CASZ1: variants seen among roughly 807,000 people sequenced by gnomAD.
CASZ1 encodes the protein zinc finger protein castor homolog 1.
Under a neutral mutation model 135.2 loss-of-function variants are expected in CASZ1, and 28 were observed. The observed-to-expected ratio is 0.21, with a 90% CI of 0.15 to 0.28. The LOEUF (loss-of-function observed/expected upper bound fraction) is 0.28. Ranked by LOEUF, CASZ1 falls within the 10% of genes least tolerant of loss-of-function variation. CASZ1 has a pLI of 1.00. For synonymous variants in CASZ1, 1,068 were observed against 1,073.4 expected (o/e 0.99, Z 0.10); for missense variants, 2,161 against 2,453.3 (o/e 0.88, Z 2.52).
chr1:10,675,639 T>G (rs1434741308), intron 4 of CASZ1, among the ~76,000 whole-genome samples: 1 of 152,094 alleles, frequency 6.6e-6, no homozygotes, highest in African/African-American at 2.4e-5. Flanking sequence ...TAATGATTCC[T>G]GGGGCTGGAC....
chr1:10,775,557 T>G (rs995172334), intron 1 of CASZ1, among the ~76,000 whole-genome samples: 5 of 152,128 alleles, frequency 3.3e-5, no homozygotes, highest in Admixed American at 2.0e-4. Context: ...GGCCTAGGTC[T>G]TTTTCCCTGG....
At chr1:10,787,947 T>C (rs1307337395) in intron 1 of CASZ1, among the ~76,000 whole-genome samples, 1 of 150,966 alleles carries the variant, frequency 6.6e-6, no homozygotes, top group Non-Finnish European at 1.5e-5. Flanking sequence ...TGAAAAAATG[T>C]TTTTTTTTAA....
At position 10,699,238 on chromosome 1, in the gene CASZ1, G is replaced by A. The variant is rs1639009259; in HGVS notation, c.-23-5326C>T. ...TCCTCCGTTCTCCTTCCCCTCTCCT[G>A]GGAAGTCAACGGCCCTGAACTGGCC... On this transcript the variant is annotated intron_variant, in intron 3 of 20. Coordinates refer to ENST00000377022, the MANE Select transcript of CASZ1 (RefSeq NM_001079843.3). The surrounding 1 kb of genome is among the most constrained non-coding windows in gnomAD (Gnocchi z 4.6). Among the ~76,000 whole-genome samples the A allele has an allele frequency of 6.6e-6, 1 of 152,206 alleles. No individual in the cohort carries two copies. Among genetic ancestry groups the A allele is most frequent in the Admixed American group, 6.5e-5 (1 of 15,290 alleles).
intron 4 of CASZ1, among the ~76,000 whole-genome samples, chr1:10,687,386 G>C (rs1270192293): frequency 6.6e-6 from 1 of 152,224 alleles, no homozygotes; most frequent in Non-Finnish European, 1.5e-5. Context: ...GCAGGTGAGT[G>C]ATTACAGCAC....
In CASZ1 at chr1:10,676,801, G is replaced by T. The variant is rs1638240987; in HGVS notation, c.17-11230C>A. ...GCCTCTGTGAAGCCTGCATGGAGAAGAGATGCTGGGCTGGGCCAGAGACTC... is the reference window on the plus strand; with the variant it reads ...GCCTCTGTGAAGCCTGCATGGAGAATAGATGCTGGGCTGGGCCAGAGACTC... On this transcript the variant is annotated intron_variant, in intron 4 of 20. Transcript: ENST00000377022. The surrounding 1 kb of genome is among the most constrained non-coding windows in gnomAD (Gnocchi z 4.5). Among the ~76,000 whole-genome samples the T allele has an allele frequency of 6.6e-6, 1 of 152,242 alleles. No homozygotes were observed. The highest frequency in any genetic ancestry group is 6.5e-5 in the Admixed American group (1 of 15,292).
At position 10,671,118 on chromosome 1, in the gene CASZ1, C is replaced by T. The variant is rs568908179; in HGVS notation, c.17-5547G>A. On this transcript the variant is annotated intron_variant, in intron 4 of 20. Transcript: ENST00000377022. The stretch of plus-strand genomic sequence containing the variant: ...ATTTTTTTAGTCCAGTTAAAAGGTT[C>T]GCTATCCAGACGCGTCTAAGTGGCC... Among the ~76,000 whole-genome samples the T allele has an allele frequency of 7.2e-5, 11 of 152,332 alleles. No homozygotes were observed. The South Asian group carries it at 1.4e-3, about 20-fold the overall frequency.
rs868602756 is a variant in CASZ1 at position 10,657,020 on chromosome 1, C to T, written c.1410-284G>A. Among the ~76,000 whole-genome samples the T allele has an allele frequency of 6.6e-6, 1 of 152,150 alleles. No homozygotes were observed. The highest frequency in any genetic ancestry group is 1.5e-5 in the Non-Finnish European group (1 of 68,010). ...GCCCTGGGATGGAAGGGAAGGCAGG[C>T]GCCCCCTCGGCTGCCCACCTGTCTT... On this transcript the variant is annotated intron_variant, in intron 7 of 20. Coordinates refer to ENST00000377022, the MANE Select transcript of CASZ1 (RefSeq NM_001079843.3). This position sits in a 1 kb window ranked among gnomAD's most constrained non-coding sequence, Gnocchi z 5.7.
intron 4 of CASZ1, among the ~76,000 whole-genome samples, chr1:10,692,952 A>G (rs928675324): frequency 2.0e-5 from 3 of 152,180 alleles, no homozygotes; most frequent in South Asian, 2.1e-4. Context: ...GCTTTTGTCA[A>G]CCTAGCACGT....
intron 4 of CASZ1, among the ~76,000 whole-genome samples, chr1:10,672,053 C>T (rs1643417974): frequency 6.6e-6 from 1 of 152,204 alleles, no homozygotes; most frequent in South Asian, 2.1e-4. Flanking sequence ...ATGGGCAAGG[C>T]AGCCCGAGGT....
At position 10,648,010 on chromosome 1, in the gene CASZ1, C is replaced by G; in HGVS notation, c.3288G>C (p.Thr1096=). ...SPPVPPVTTA[T]VSSLEGPAPS... ...GAGCGGGCCCCTCCAGAGAGGACAC[C>G]GTGGCCGTGGTGACAGGAGGGACCG... The change falls in exon 16 of 21, where the codon ACG becomes ACC. Residue 1096 remains threonine (T), a synonymous_variant. Transcript: ENST00000377022. The G allele has an allele frequency of 6.2e-7, 1 of 1,600,736 alleles. No homozygotes were observed. The highest frequency in any genetic ancestry group is 8.5e-7 in the Non-Finnish European group (1 of 1,172,944).
At chr1:10,734,405 C>G (rs999709024) in intron 2 of CASZ1, among the ~76,000 whole-genome samples, 4 of 151,454 alleles carry the variant, frequency 2.6e-5, no homozygotes, top group African/African-American at 9.7e-5. Flanking sequence ...ATGAAAAACT[C>G]ATAATAAACA....
intron 1 of CASZ1, among the ~76,000 whole-genome samples, chr1:10,792,019 TCAAA>T (rs1289353616): frequency 2.0e-5 from 3 of 151,778 alleles, no homozygotes; most frequent in African/African-American, 2.4e-5. Flanking sequence ...GCAATCCAAA[TCAAA>T]CAAATTTTAA....
Position 10,653,989 on chromosome 1 carries a change from G to T in CASZ1, c.2068C>A (p.Arg690Ser), listed in dbSNP as rs765432701. 6.2e-7 allele frequency: 1 copy of T among 1,614,100 alleles called. No individual in the cohort carries two copies. The highest frequency in any genetic ancestry group is 8.5e-7 in the Non-Finnish European group (1 of 1,179,972). Residue 690 changes from arginine (R) to serine (S), a missense_variant, in exon 11 of 21, where the codon CGC becomes AGC. Around this residue, in one of 7 missense-constraint regions of CASZ1, gnomAD observed 248 missense variants for 410.8 expected, o/e 0.60. Transcript: ENST00000377022. The part of the protein sequence containing the change: ...TSTSQMTSHK[R>S]KHERRHIRSS... ...CGGATGTGCCGGCGCTCATGCTTGC[G>T]CTTGTGAGAGGTCATCTGGCTGGTG...
At position 10,665,651 on chromosome 1, in the gene CASZ1, C is replaced by T. The variant is rs1174348120; in HGVS notation, c.17-80G>A. ...CCACCCTCCCGAACAGCCCTGCATC[C>T]CCCAAGCTGCAGGCCTCCCCCATTG... On this transcript the variant is annotated intron_variant, in intron 4 of 20. Coordinates refer to ENST00000377022, the MANE Select transcript of CASZ1 (RefSeq NM_001079843.3). The T allele has an allele frequency of 5.7e-6, 8 of 1,413,658 alleles. No homozygotes were observed. The East Asian group carries it at 1.8e-4, about 31-fold the overall frequency. The allele number at this position is 1,413,658 out of a possible 1,614,324, so 87.6% of individuals were successfully genotyped here.
chr1:10,756,196 CT>C lies in CASZ1; in HGVS notation c.-77+4504del, dbSNP rs902776566. On this transcript the variant is annotated intron_variant, in intron 2 of 20. Coordinates refer to ENST00000377022, the MANE Select transcript of CASZ1 (RefSeq NM_001079843.3). This position sits in a 1 kb window ranked among gnomAD's most constrained non-coding sequence, Gnocchi z 5.9. The stretch of plus-strand genomic sequence containing the variant: ...CGCAAGCCGCTGCCAGCCTGCACTT[CT>C]GCTCTCTCCCGTTGCTGCCTCTGGA... 3.3e-5 allele frequency among the ~76,000 whole-genome samples: 5 copies of C among 152,182 alleles called. No individual in the cohort carries two copies. The highest frequency in any genetic ancestry group is 9.6e-5 in the African/African-American group (4 of 41,456).
At chr1:10,675,878 G>A (rs1442594243) in intron 4 of CASZ1, among the ~76,000 whole-genome samples, 1 of 142,052 alleles carries the variant, frequency 7.0e-6, no homozygotes, top group African/African-American at 2.9e-5. Flanking sequence ...CTTTCCCCAA[G>A]GTTTGCAGGG....
chr1:10,660,129 G>A lies in CASZ1; in HGVS notation c.913C>T (p.Leu305=). ...TCGTACTTGGAGGCCCGGGCTACCAGGTTCTGCATCTGGACACTGCTGTGC... is the reference window on the plus strand; with the variant it reads ...TCGTACTTGGAGGCCCGGGCTACCAAGTTCTGCATCTGGACACTGCTGTGC... ...PSHSSVQMQN[L]VARASKYDFF... is the part of the protein sequence containing the mutation. Residue 305 remains leucine, a synonymous_variant, in exon 6 of 21, where the codon CTG becomes TTG. Transcript: ENST00000377022. The A allele has an allele frequency of 6.2e-7, 1 of 1,614,156 alleles. No homozygotes were observed. Among genetic ancestry groups the A allele is most frequent in the Non-Finnish European group, 8.5e-7 (1 of 1,180,014 alleles).
At chr1:10,733,618 G>C (rs186964786) in intron 2 of CASZ1, among the ~76,000 whole-genome samples, 1 of 152,290 alleles carries the variant, frequency 6.6e-6, no homozygotes, top group East Asian at 1.9e-4. Flanking sequence ...AGACTGTAAA[G>C]CTGTGGGAAT....
chr1:10,740,960 CAA>C (rs374464130), intron 2 of CASZ1, among the ~76,000 whole-genome samples: 1 of 61,450 alleles, frequency 1.6e-5, no homozygotes, highest in Non-Finnish European at 2.9e-5. Flanking sequence ...CCTGTCTGGA[CAA>C]AAAAAAAAAA....
Sources: gnomAD v4.1 joint callset for allele counts (sites outside exome capture counted in the v4.1 genomes callset) on GRCh38, gnomAD v4.1.1 for gene constraint, gnomAD v4.1.1 regional missense constraint, Gnocchi (gnomAD v3.1) non-coding constraint, MANE v1.5 for transcripts, NCBI Gene and HGNC (gene_info 2026-07-23, HGNC 2026-07-21) for gene names.